The following SCNN1B variants were observed in gnomAD, a reference collection of about 807,000 sequenced individuals.
The protein encoded by SCNN1B is epithelial sodium channel subunit beta.
A neutral mutation model predicts 65.3 loss-of-function variants in SCNN1B; 46 were observed. That is an observed-to-expected ratio of 0.70 (90% CI 0.56 to 0.90). SCNN1B has a LOEUF of 0.90. Ranked by LOEUF, SCNN1B falls within the 40% of genes least tolerant of loss-of-function variation. The pLI is 0.00. For synonymous variants in SCNN1B, 349 were observed against 330.6 expected (o/e 1.06, Z -0.60); for missense variants, 751 against 830.5 (o/e 0.90, Z 1.18).
chr16:23,374,982 T>C (rs1962863361), intron 7 of SCNN1B, among the ~76,000 whole-genome samples: 1 of 152,022 alleles, frequency 6.6e-6, no homozygotes, highest in South Asian at 2.1e-4. Flanking sequence ...GAGACAGGTG[T>C]CCTCAGCACC....
At chr16:23,308,567 A>G (rs1205368712) in intron 1 of SCNN1B, among the ~76,000 whole-genome samples, 1 of 152,168 alleles carries the variant, frequency 6.6e-6, no homozygotes, top group Non-Finnish European at 1.5e-5. Flanking sequence ...CAGACTTCCC[A>G]CATCAGAGAC....
chr16:23,297,784 G>A (rs537450734), upstream of SCNN1B, among the ~76,000 whole-genome samples: 51 of 152,254 alleles, frequency 3.3e-4, no homozygotes, highest in African/African-American at 1.1e-3. Flanking sequence ...TGAATGGGGT[G>A]GTAATGAATG....
intron 4 of SCNN1B, among the ~76,000 whole-genome samples, chr16:23,365,498 GAAA>G (rs1030542138): frequency 2.4e-5 from 3 of 127,502 alleles, no homozygotes; most frequent in Non-Finnish European, 5.2e-5. Flanking sequence ...AGAAAAGAAA[GAAA>G]AAGAAAGAAA....
At chr16:23,296,495 A>G (rs1960998922) in intron 2 of SCNN1B, among the ~76,000 whole-genome samples, 1 of 152,190 alleles carries the variant, frequency 6.6e-6, no homozygotes, top group Non-Finnish European at 1.5e-5. Flanking sequence ...ATTTCAGAAC[A>G]TGGACTTTGG....
intron 5 of SCNN1B, 102 bp downstream of exon 5, chr16:23,368,061 G>GT (rs1962709334): frequency 4.2e-6 from 4 of 951,112 alleles, no homozygotes; most frequent in Non-Finnish European, 6.9e-6. Context: ...GACTGAGGGG[G>GT]GACCAAGGCA....
upstream of SCNN1B, among the ~76,000 whole-genome samples, chr16:23,301,180 A>G (rs1190641960): frequency 6.6e-6 from 1 of 151,992 alleles, no homozygotes; most frequent in Non-Finnish European, 1.5e-5. Flanking sequence ...CCTGGCCAAT[A>G]TGAAGAAAAC....
intron 5 of SCNN1B, 138 bp downstream of exon 5, chr16:23,368,097 C>A (rs1333471350): frequency 2.6e-6 from 2 of 778,230 alleles, no homozygotes; most frequent in Non-Finnish European, 4.5e-6. Context: ...GCTACCGAGG[C>A]TCTACTGTGT....
At chr16:23,281,164 G>A (rs980637841) in intron 1 of SCNN1B, among the ~76,000 whole-genome samples, 1 of 152,192 alleles carries the variant, frequency 6.6e-6, no homozygotes, top group Non-Finnish European at 1.5e-5. Context: ...ATAAGGCGGT[G>A]GCCCACACCT....
intron 4 of SCNN1B, among the ~76,000 whole-genome samples, chr16:23,366,826 CTCT>C (rs1244265837): frequency 1.3e-5 from 2 of 152,178 alleles, no homozygotes; most frequent in African/African-American, 4.8e-5. Context: ...TCCCAACCTC[CTCT>C]TATTTTTAAT....
chr16:23,306,588 A>T (rs1412367573), intron 1 of SCNN1B, among the ~76,000 whole-genome samples: 1 of 152,208 alleles, frequency 6.6e-6, no homozygotes, highest in Non-Finnish European at 1.5e-5. Context: ...TTCAAGTAAG[A>T]CGCTGCAATA....
intron 2 of SCNN1B, among the ~76,000 whole-genome samples, chr16:23,294,874 T>C (rs1960973835): frequency 6.6e-6 from 1 of 152,002 alleles, no homozygotes; most frequent in African/African-American, 2.4e-5. Flanking sequence ...GCGCCTGGAA[T>C]CCCAGCTACT....
rs764213755 is a variant in SCNN1B, at chr16:23,371,425, C to T, written c.1007C>T (p.Ala336Val). 2 of 1,614,112 alleles carry T rather than the reference C, an allele frequency of 1.2e-6. No individual in the cohort carries two copies. The highest frequency in any genetic ancestry group is 1.7e-6 in the Non-Finnish European group (2 of 1,180,002). ...TTCATCAGAGATGAGGGCATCTACG[C>T]CATGTCGGGGACAGAGACGTCCATC... is the stretch of plus-strand genomic sequence containing the variant. Reference protein sequence around the residue: ...YPFIRDEGIYAMSGTETSIGV... With the variant: ...YPFIRDEGIYVMSGTETSIGV... Residue 336 changes from alanine to valine, a missense_variant, in exon 6 of 13, where the codon GCC (alanine) becomes GTC (valine). Coordinates refer to ENST00000343070, the MANE Select transcript of SCNN1B (RefSeq NM_000336.3).
intron 1 of SCNN1B, among the ~76,000 whole-genome samples, chr16:23,280,155 C>A (rs1202040610): frequency 6.6e-6 from 1 of 152,114 alleles, no homozygotes; most frequent in African/African-American, 2.4e-5. Context: ...AGGGGCTTTG[C>A]GTTCATCCTC....
intron 1 of SCNN1B, among the ~76,000 whole-genome samples, chr16:23,343,509 A>AGGAAAAGG (rs1429039403): frequency 3.9e-5 from 3 of 76,538 alleles, no homozygotes; most frequent in South Asian, 4.2e-4. Context: ...GAAGGAAGGA[A>AGGAAAAGG]AAGGAAGGAA....
rs1322039241 is a variant in SCNN1B at position 23,348,397 on chromosome 16, AGATG to A, written c.-8-183_-8-180del. On this transcript the variant is annotated intron_variant, in intron 1 of 12. Coordinates refer to ENST00000343070, the MANE Select transcript of SCNN1B (RefSeq NM_000336.3). This position sits in a 1 kb window ranked among gnomAD's most constrained non-coding sequence, Gnocchi z 4.5. Reference sequence around the variant, plus strand: ...TTCAATAAATGCATTTTGGTTGATTAGATGGATGGATGGATTGATGACAGATAGC... The same window carrying A: ...TTCAATAAATGCATTTTGGTTGATTAGATGGATGGATTGATGACAGATAGC... Among the ~76,000 whole-genome samples the A allele has an allele frequency of 1.4e-5, 2 of 147,120 alleles. No homozygotes were observed. The highest frequency in any genetic ancestry group is 2.5e-5 in the African/African-American group (1 of 39,992).
intron 3 of SCNN1B, 56 bp from the exon 4 acceptor site, chr16:23,355,243 G>A: frequency 6.5e-7 from 1 of 1,547,760 alleles, no homozygotes; most frequent in Non-Finnish European, 8.9e-7. Flanking sequence ...AGCAGTGGCT[G>A]GGGTCCTGCT....
chr16:23,315,614 C>A (rs1961437644), intron 1 of SCNN1B, among the ~76,000 whole-genome samples: 1 of 152,098 alleles, frequency 6.6e-6, no homozygotes, highest in Admixed American at 6.5e-5. Flanking sequence ...GACCAGCCTG[C>A]CTGGGCAACA....
Position 23,316,719 on chromosome 16 carries a change from C to T in SCNN1B, c.-9+14282C>T, listed in dbSNP as rs373001858. Among the ~76,000 whole-genome samples the T allele has an allele frequency of 2.7e-5, 4 of 148,212 alleles. No homozygotes were observed. The East Asian group carries it at 5.9e-4, about 22-fold the overall frequency. On this transcript the variant is annotated intron_variant, in intron 1 of 12. Coordinates refer to ENST00000343070, the MANE Select transcript of SCNN1B (RefSeq NM_000336.3). ...AACACCATCACCATCACCACCATCA[C>T]CCTCACCATCTCCTCTGTCATCACT...
At chr16:23,285,726 C>T (rs1960841587) in intron 2 of SCNN1B, among the ~76,000 whole-genome samples, 1 of 152,196 alleles carries the variant, frequency 6.6e-6, no homozygotes, top group Non-Finnish European at 1.5e-5. Context: ...ATAATCCCAA[C>T]ACTTTGGGAG....
Sources: allele counts gnomAD v4.1 joint callset (sites outside exome capture counted in the v4.1 genomes callset), GRCh38; gene constraint gnomAD v4.1.1; non-coding constraint Gnocchi (gnomAD v3.1); transcripts MANE v1.5; gene names NCBI Gene and HGNC (gene_info 2026-07-23, HGNC 2026-07-21).